Variants in PROM1 observed in about 807,000 individuals in gnomAD.
PROM1 encodes prominin 1, also known as prominin-1.
Under a neutral mutation model 116.9 loss-of-function variants are expected in PROM1, and 105 were observed. That is an observed-to-expected ratio of 0.90 (90% CI 0.77 to 1.06). The LOEUF (loss-of-function observed/expected upper bound fraction) is 1.06. Ranked by LOEUF, PROM1 falls within the 50% of genes least tolerant of loss-of-function variation. The pLI is 0.00. For missense variants in PROM1, 1,122 were observed against 1,045.2 expected (o/e 1.07, Z -1.01); for synonymous variants, 393 against 387.0 (o/e 1.02, Z -0.18).
rs1373860481 is a variant in PROM1 at position 16,076,049 on chromosome 4, T to C, written c.-143A>G. On this transcript the variant is annotated 5_prime_UTR_variant, in exon 2 of 28. Transcript: ENST00000447510. ...TCTGCTGAATCTTCAGTTTTCTGTCTGAGGCTGGCTTGAGGCGAGGGATGC... is the reference window on the plus strand; with the variant it reads ...TCTGCTGAATCTTCAGTTTTCTGTCCGAGGCTGGCTTGAGGCGAGGGATGC... The C allele has an allele frequency of 2.8e-6, 4 of 1,430,056 alleles. No individual in the cohort carries two copies. Among genetic ancestry groups the C allele is most frequent in the East Asian group, 5.0e-5 (2 of 39,964 alleles). The allele number at this position is 1,430,056 out of a possible 1,614,324, so 88.6% of individuals were successfully genotyped here.
chr4:16,013,368 A>G (rs750604493), intron 10 of PROM1, 30 bp from the exon 11 acceptor site: 11 of 1,524,792 alleles, frequency 7.2e-6, no homozygotes, highest in African/African-American at 1.4e-5. Flanking sequence ...AAAAGGATGT[A>G]CACAGTTAAG....
intron 19 of PROM1, 110 bp downstream of exon 19, chr4:15,989,622 G>T: frequency 1.1e-6 from 1 of 921,546 alleles, no homozygotes; most frequent in Non-Finnish European, 1.7e-6. Context: ...AAGCCAGTCA[G>T]CTGGGACCTA....
chr4:16,026,680 T>A (rs188731542), intron 5 of PROM1, among the ~76,000 whole-genome samples: 12 of 152,320 alleles, frequency 7.9e-5, no homozygotes, highest in African/African-American at 2.9e-4. Context: ...ACCCCACTTA[T>A]AGTATAAATA....
chr4:16,048,196 A>T (rs1223943388), intron 2 of PROM1, among the ~76,000 whole-genome samples: 3 of 152,156 alleles, frequency 2.0e-5, no homozygotes, highest in African/African-American at 7.2e-5. Context: ...GGTATGGGTG[A>T]AACTGAGACC....
chr4:16,055,279 AG>A (rs1347760622), intron 2 of PROM1: 1 of 403,976 alleles, frequency 2.5e-6, no homozygotes, highest in African/African-American at 2.1e-5. Flanking sequence ...TTACGTCTAC[AG>A]TTCCAGCTAC....
intron 2 of PROM1, among the ~76,000 whole-genome samples, chr4:16,048,934 T>G (rs1292934788): frequency 6.6e-6 from 1 of 152,154 alleles, no homozygotes; most frequent in Non-Finnish European, 1.5e-5. Context: ...AAGCGAGTAC[T>G]CAGGTTGCAC....
intron 5 of PROM1, among the ~76,000 whole-genome samples, chr4:16,026,395 ATT>A (rs527389717): frequency 1.3e-5 from 2 of 152,174 alleles, no homozygotes; most frequent in South Asian, 4.1e-4. Context: ...TAGCCGAACT[ATT>A]TTTACCTGCA....
At chr4:15,977,104 C>T (rs1354394998) in intron 26 of PROM1, among the ~76,000 whole-genome samples, 1 of 152,180 alleles carries the variant, frequency 6.6e-6, no homozygotes, top group Non-Finnish European at 1.5e-5. Context: ...TTTTTCACAA[C>T]CATGGCTCCT....
Position 16,011,986 on chromosome 4 carries a change from T to G in PROM1, c.1141+1289A>C, listed in dbSNP as rs554321459. Reference sequence around the variant, plus strand: ...ACATAGCTTCAGAGATTTCTTTTCTTTTCTGTTCTTTTTTGTTTGTTTGTT... The same window carrying G: ...ACATAGCTTCAGAGATTTCTTTTCTGTTCTGTTCTTTTTTGTTTGTTTGTT... On this transcript the variant is annotated intron_variant, in intron 11 of 27. Coordinates refer to ENST00000447510, the MANE Select transcript of PROM1 (RefSeq NM_006017.3). 2.0e-5 allele frequency among the ~76,000 whole-genome samples: 3 copies of G among 152,148 alleles called. No individual in the cohort carries two copies. In the East Asian group the frequency reaches 5.8e-4, roughly 29 times the overall value.
intron 1 of PROM1, chr4:16,078,057 G>C (rs2176446): frequency 0.67 from 101,658 of 151,870 alleles, 35,187 homozygotes; most frequent in Non-Finnish European, 0.76. Context: ...TACAACTAGG[G>C]GTCTCAGAGA....
chr4:16,008,948 C>T lies in PROM1; in HGVS notation c.1301+1G>A, dbSNP rs1002373357. On this transcript the variant is annotated splice_donor_variant, in intron 12 of 27. Coordinates refer to ENST00000447510, the MANE Select transcript of PROM1 (RefSeq NM_006017.3). LOFTEE classifies it high-confidence loss of function. Reference sequence around the variant, plus strand: ...TTCACCAGCTCCAAGGAGACACTCACCAGTATGAATCATACTCTTCCAATG... The same window carrying T: ...TTCACCAGCTCCAAGGAGACACTCATCAGTATGAATCATACTCTTCCAATG... 2 of 1,579,556 alleles carry T rather than the reference C, an allele frequency of 1.3e-6. No individual in the cohort carries two copies. Among genetic ancestry groups the T allele is most frequent in the Admixed American group, 3.4e-5 (2 of 59,446 alleles).
chr4:16,033,652 C>T (rs1402765827), intron 4 of PROM1, 143 bp from the exon 5 acceptor site: 10 of 642,808 alleles, frequency 1.6e-5, no homozygotes, highest in Admixed American at 8.0e-5. Flanking sequence ...CGCAGTGGCG[C>T]GATTTCGGCT....
intron 2 of PROM1, among the ~76,000 whole-genome samples, chr4:16,060,778 GT>G (rs1740135219): frequency 6.6e-6 from 1 of 152,016 alleles, no homozygotes; most frequent in African/African-American, 2.4e-5. Context: ...TGATATTTGC[GT>G]TTTTCCCAAC....
intron 8 of PROM1, among the ~76,000 whole-genome samples, chr4:16,021,155 C>G (rs574741014): frequency 7.3e-4 from 107 of 146,694 alleles, no homozygotes; most frequent in African/African-American, 2.6e-3. Flanking sequence ...GAAGTTCTGG[C>G]AACACCAGAG....
At chr4:15,994,730 T>C (rs924363160) in intron 15 of PROM1, among the ~76,000 whole-genome samples, 2 of 152,202 alleles carry the variant, frequency 1.3e-5, no homozygotes, top group Non-Finnish European at 2.9e-5. Context: ...TCATTGGATG[T>C]GTATTCCTGC....
intron 12 of PROM1, among the ~76,000 whole-genome samples, chr4:16,007,258 G>A (rs1479266015): frequency 6.6e-6 from 1 of 152,144 alleles, no homozygotes; most frequent in Non-Finnish European, 1.5e-5. Flanking sequence ...AGAATTTTAT[G>A]AGCATCCTAA....
chr4:15,975,497 G>A (rs1715878291), intron 26 of PROM1, among the ~76,000 whole-genome samples: 1 of 152,204 alleles, frequency 6.6e-6, no homozygotes, highest in Admixed American at 6.5e-5. Flanking sequence ...GGGATTACAG[G>A]CGTGAGCCAC....
intron 2 of PROM1, among the ~76,000 whole-genome samples, chr4:16,059,266 C>T (rs760213062): frequency 3.3e-5 from 5 of 152,182 alleles, no homozygotes; most frequent in South Asian, 2.1e-4. Context: ...TTACCCTCTC[C>T]GAGCCTCCAT....
intron 5 of PROM1, among the ~76,000 whole-genome samples, chr4:16,032,467 T>C (rs919866225): frequency 6.6e-6 from 1 of 152,196 alleles, no homozygotes; most frequent in African/African-American, 2.4e-5. Flanking sequence ...ACTGAGCACG[T>C]GTGGTGTTTG....
Sources: gnomAD v4.1 joint callset for allele counts (sites outside exome capture counted in the v4.1 genomes callset) on GRCh38, gnomAD v4.1.1 for gene constraint, MANE v1.5 for transcripts, NCBI Gene and HGNC (gene_info 2026-07-23, HGNC 2026-07-21) for gene names.